The following ZDHHC8 variants were observed in gnomAD, a reference collection of about 807,000 sequenced individuals.
ZDHHC8 encodes zDHHC palmitoyltransferase 8, also known as palmitoyltransferase ZDHHC8.
In ZDHHC8, 24 loss-of-function variants were observed where a neutral mutation model predicts 61.2. The observed-to-expected ratio is 0.39, with a 90% confidence interval of 0.28 to 0.55. The LOEUF (loss-of-function observed/expected upper bound fraction) is 0.55, where lower values mean the gene tolerates loss of function less well. Ranked by LOEUF, ZDHHC8 falls within the 20% of genes least tolerant of loss-of-function variation. The probability of loss-of-function intolerance (pLI) is 0.60; values close to 1 mark genes in which losing one functional copy is unlikely to be tolerated. For missense variants in ZDHHC8, 935 were observed against 1,102.1 expected (o/e 0.85, Z 2.15); for synonymous variants, 523 against 492.5 (o/e 1.06, Z -0.82).
chr22:20,147,283 C>A lies in ZDHHC8; in HGVS notation c.*1883C>A. ...GCCCAGGACAGCCCAGCTGGGGACC[C>A]AGGAGGTCAGACTGCAGTGGACCCT... On this transcript the variant is annotated 3_prime_UTR_variant, in exon 11 of 11. Coordinates refer to ENST00000334554, the MANE Select transcript of ZDHHC8 (RefSeq NM_013373.4). The A allele has an allele frequency of 7.2e-7, 1 of 1,394,762 alleles. No individual in the cohort carries two copies. Among genetic ancestry groups the A allele is most frequent in the Non-Finnish European group, 9.3e-7 (1 of 1,072,094 alleles). The allele number at this position is 1,394,762 out of a possible 1,614,324, so 86.4% of individuals were successfully genotyped here. A position where few individuals can be genotyped will look rare whatever the true frequency, so the allele number is the denominator to read the frequency against.
chr22:20,135,949 G>A (rs926450229), intron 1 of ZDHHC8, among the ~76,000 whole-genome samples: 36 of 152,272 alleles, frequency 2.4e-4, no homozygotes, highest in Non-Finnish European at 3.4e-4. Flanking sequence ...TCCACATTTA[G>A]CTGTGGCGGA....
chr22:20,137,203 C>A (rs1242549970), intron 1 of ZDHHC8, among the ~76,000 whole-genome samples: 1 of 152,244 alleles, frequency 6.6e-6, no homozygotes. Context: ...CCCAAAGTAG[C>A]CCCACGGCTG....
In ZDHHC8 at chr22:20,147,007, G is replaced by A. The variant is rs917951690; in HGVS notation, c.*1607G>A. 10 of 1,398,686 alleles carry A rather than the reference G, an allele frequency of 7.1e-6. No individual in the cohort carries two copies. Among genetic ancestry groups the A allele is most frequent in the Admixed American group, 3.6e-5 (1 of 27,988 alleles). The allele number at this position is 1,398,686 out of a possible 1,614,324, so 86.6% of individuals were successfully genotyped here. ...ACCTTTCTGCTTCTCTCTCACGGAC[G>A]CCGCGGCCCGCAGGGGGCGGATTGG... On this transcript the variant is annotated 3_prime_UTR_variant, in exon 11 of 11. Transcript: ENST00000334554.
chr22:20,145,832 C>T lies in ZDHHC8; in HGVS notation c.*432C>T. The T allele has an allele frequency of 1.0e-6, 1 of 987,538 alleles. No homozygotes were observed. The allele number at this position is 987,538 out of a possible 1,614,324, so 61.2% of individuals were successfully genotyped here. Reference sequence around the variant, plus strand: ...CCCAGGGCCCCCACCGTCCTTCTGACACAGCCTGTGGGCTCCCGGACCGAG... The same window carrying T: ...CCCAGGGCCCCCACCGTCCTTCTGATACAGCCTGTGGGCTCCCGGACCGAG... On this transcript the variant is annotated 3_prime_UTR_variant, in exon 11 of 11. Coordinates refer to ENST00000334554, the MANE Select transcript of ZDHHC8 (RefSeq NM_013373.4).
In ZDHHC8 at chr22:20,146,375, CTGCT is replaced by C. The variant is rs1347924697; in HGVS notation, c.*979_*982del. On this transcript the variant is annotated 3_prime_UTR_variant, in exon 11 of 11. Transcript: ENST00000334554. ...CCTGAGAGTAAGCACATGACAGCGT[CTGCT>C]TGCGTTGTGTCTGTTTTATGTTTTT... 10 of 985,524 alleles carry C rather than the reference CTGCT, an allele frequency of 1.0e-5. No individual in the cohort carries two copies. The highest frequency in any genetic ancestry group is 1.2e-5 in the Non-Finnish European group (10 of 829,954). 61.0% of individuals were successfully genotyped at this position (985,524 alleles called of 1,614,324 possible).
In ZDHHC8 at chr22:20,139,293, G is replaced by T; in HGVS notation, c.204G>T (p.Met68Ile). The change falls in exon 2 of 11, where the codon ATG becomes ATT. Residue 68 changes from methionine (M) to isoleucine (I), a missense_variant. Around this residue, in one of 3 missense-constraint regions of ZDHHC8, gnomAD observed 199 missense variants for 334.0 expected, o/e 0.60. Transcript: ENST00000334554. The stretch of plus-strand genomic sequence containing the variant: ...CCAACTTCAGCATGGCCACTTTCAT[G>T]GACCCTGGTGTTTTCCCCCGAGGTA... ...VLANFSMATF[M>I]DPGVFPRADE... 6.2e-7 allele frequency: 1 copy of T among 1,613,896 alleles called. No homozygotes were observed. Among genetic ancestry groups the T allele is most frequent in the Non-Finnish European group, 8.5e-7 (1 of 1,179,978 alleles).
chr22:20,139,992 G>T, intron 4 of ZDHHC8, 100 bp downstream of exon 4: 1 of 1,590,760 alleles, frequency 6.3e-7, no homozygotes, highest in Non-Finnish European at 8.6e-7. Flanking sequence ...CCTGCCCAGG[G>T]ATCCCCAGTG....
chr22:20,147,157 G>A lies in ZDHHC8; in HGVS notation c.*1757G>A. The stretch of plus-strand genomic sequence containing the variant: ...GGCCCCCTGGAGCCAGGCCGCCGGG[G>A]CACCCCCACGCGGGGCCATGTGCCG... On this transcript the variant is annotated 3_prime_UTR_variant, in exon 11 of 11. Transcript: ENST00000334554. 1.3e-6 allele frequency: 2 copies of A among 1,531,524 alleles called. No individual in the cohort carries two copies. Among genetic ancestry groups the A allele is most frequent in the African/African-American group, 1.4e-5 (1 of 71,728 alleles). The allele number at this position is 1,531,524 out of a possible 1,614,324, so 94.9% of individuals were successfully genotyped here.
At chr22:20,134,622 G>A (rs2050405219) in intron 1 of ZDHHC8, among the ~76,000 whole-genome samples, 1 of 152,238 alleles carries the variant, frequency 6.6e-6, no homozygotes, top group Non-Finnish European at 1.5e-5. Flanking sequence ...GACAGTGAGT[G>A]GCCCCAGCCC....
At position 20,147,316 on chromosome 22, in the gene ZDHHC8, G is replaced by T; in HGVS notation, c.*1916G>T. The T allele has an allele frequency of 2.3e-6, 3 of 1,307,578 alleles. No homozygotes were observed. Among genetic ancestry groups the T allele is most frequent in the Non-Finnish European group, 3.0e-6 (3 of 999,002 alleles). The allele number at this position is 1,307,578 out of a possible 1,614,324, so 81.0% of individuals were successfully genotyped here. A position where few individuals can be genotyped will look rare whatever the true frequency, so the allele number is the denominator to read the frequency against. ...CAGACTGCAGTGGACCCTGGGGCAG[G>T]GCTGGGGGTGGGCTGGGCTCTCTGC... On this transcript the variant is annotated 3_prime_UTR_variant, in exon 11 of 11. Coordinates refer to ENST00000334554, the MANE Select transcript of ZDHHC8 (RefSeq NM_013373.4).
chr22:20,139,910 G>A lies in ZDHHC8; in HGVS notation c.557+18G>A. The A allele has an allele frequency of 6.2e-7, 1 of 1,609,430 alleles. No individual in the cohort carries two copies. Among genetic ancestry groups the A allele is most frequent in the Non-Finnish European group, 8.5e-7 (1 of 1,178,548 alleles). On this transcript the variant is annotated intron_variant, in intron 4 of 10. Coordinates refer to ENST00000334554, the MANE Select transcript of ZDHHC8 (RefSeq NM_013373.4). ...ACCATCACGTATCCTTGGTTCCTGT[G>A]GGCCTCATTGCAGAGGCGATGTGGA...
rs990063878 is a variant in ZDHHC8, at chr22:20,147,245, A to C, written c.*1845A>C. ...TCGGGGCCCTAGCAGGATGACAAGT[A>C]GGCGGCTCTGGGGCCCAGGACAGCC... On this transcript the variant is annotated 3_prime_UTR_variant, in exon 11 of 11. Transcript: ENST00000334554. The C allele has an allele frequency of 1.7e-5, 25 of 1,432,544 alleles. No homozygotes were observed. Among genetic ancestry groups the C allele is most frequent in the Non-Finnish European group, 2.2e-5 (24 of 1,090,486 alleles). 88.7% of individuals were successfully genotyped at this position (1,432,544 alleles called of 1,614,324 possible). A position where few individuals can be genotyped will look rare whatever the true frequency, so the allele number is the denominator to read the frequency against.
intron 1 of ZDHHC8, among the ~76,000 whole-genome samples, chr22:20,135,528 C>T (rs561719206): frequency 6.6e-6 from 1 of 152,316 alleles, no homozygotes; most frequent in South Asian, 2.1e-4. Context: ...GTCCCTAGAT[C>T]GTCCTGAGCC....
chr22:20,138,481 G>A (rs2050440052), intron 1 of ZDHHC8, among the ~76,000 whole-genome samples: 1 of 152,212 alleles, frequency 6.6e-6, no homozygotes, highest in South Asian at 2.1e-4. Flanking sequence ...GTGTGTGAGG[G>A]CACACCTTAT....
chr22:20,137,808 A>G (rs1416065210), intron 1 of ZDHHC8, among the ~76,000 whole-genome samples: 1 of 152,178 alleles, frequency 6.6e-6, no homozygotes, highest in Non-Finnish European at 1.5e-5. Flanking sequence ...CCTGTGTGCC[A>G]GGCAGGGCTG....
At position 20,139,731 on chromosome 22, in the gene ZDHHC8, C is replaced by T. The variant is rs2050451249; in HGVS notation, c.396C>T (p.His132=). 1 of 1,612,580 alleles carries T rather than the reference C, an allele frequency of 6.2e-7. No homozygotes were observed. The highest frequency in any genetic ancestry group is 8.5e-7 in the Non-Finnish European group (1 of 1,180,006). The change falls in exon 4 of 11, where the codon CAC becomes CAT. Residue 132 remains histidine, a synonymous_variant. Transcript: ENST00000334554. ...VCDNCVEDFD[H]HCPWVNNCIG... ...CTGCTCCCGCCCAGGACTTTGACCA[C>T]CACTGCCCCTGGGTCAACAACTGCA...
rs756014274 is a variant in ZDHHC8, at chr22:20,143,391, G to A, written c.1761G>A (p.Leu587=). The A allele has an allele frequency of 3.2e-6, 5 of 1,586,380 alleles. No individual in the cohort carries two copies. The highest frequency in any genetic ancestry group is 3.5e-5 in the Admixed American group (2 of 57,200). Residue 587 remains leucine (L), a synonymous_variant, in exon 10 of 11, where the codon CTG becomes CTA. Transcript: ENST00000334554. Reference sequence around the variant, plus strand: ...ATGACGCTCCCAGCTCCTACAGCCTGCAGCAGGCCAGTGTGCTGTCCGAGG... The same window carrying A: ...ATGACGCTCCCAGCTCCTACAGCCTACAGCAGGCCAGTGTGCTGTCCGAGG... ...GVYDAPSSYS[L]QQASVLSEGP...
rs781240759 is a variant in ZDHHC8, at chr22:20,143,230, C to T, written c.1600C>T (p.Arg534Trp). 18 of 1,606,820 alleles carry T rather than the reference C, an allele frequency of 1.1e-5. No homozygotes were observed. Among genetic ancestry groups the T allele is most frequent in the Admixed American group, 5.0e-5 (3 of 59,946 alleles). Residue 534 changes from arginine (R) to tryptophan (W), a missense_variant, in exon 10 of 11, where the codon CGG (arginine) becomes TGG (tryptophan). This residue lies in a region of ZDHHC8 where 692 missense variants were observed against 731.4 expected (regional missense o/e 0.95). Transcript: ENST00000334554. Reference protein sequence around the residue: ...SFSPVLGPRPREPSPVRYDNL... With the variant: ...SFSPVLGPRPWEPSPVRYDNL... ...CAGCCCCGTGCTGGGCCCCCGCCCC[C>T]GGGAGCCCTCGCCTGTGCGCTACGA... is the stretch of plus-strand genomic sequence containing the variant.
chr22:20,143,205 C>T lies in ZDHHC8; in HGVS notation c.1575C>T (p.Phe525=). The change falls in exon 10 of 11, where the codon TTC becomes TTT. Residue 525 remains phenylalanine (F), a synonymous_variant. Coordinates refer to ENST00000334554, the MANE Select transcript of ZDHHC8 (RefSeq NM_013373.4). ...GDPPRPLPRS[F]SPVLGPRPRE... is the part of the protein sequence containing the mutation. ...CGCCACGGCCCCTACCCCGCAGCTTCAGCCCCGTGCTGGGCCCCCGCCCCC... is the reference window on the plus strand; with the variant it reads ...CGCCACGGCCCCTACCCCGCAGCTTTAGCCCCGTGCTGGGCCCCCGCCCCC... The T allele has an allele frequency of 1.9e-6, 3 of 1,608,794 alleles. No homozygotes were observed. The highest frequency in any genetic ancestry group is 2.2e-5 in the East Asian group (1 of 44,850).
Sources: allele counts gnomAD v4.1 joint callset (sites outside exome capture counted in the v4.1 genomes callset), GRCh38; gene constraint gnomAD v4.1.1; regional missense constraint gnomAD v4.1.1; transcripts MANE v1.5; gene names NCBI Gene and HGNC (gene_info 2026-07-23, HGNC 2026-07-21).